TMEM131: variants seen among roughly 807,000 people sequenced by gnomAD.
TMEM131 encodes the protein 2610524E03Rik.
Under a neutral mutation model 211.6 loss-of-function variants are expected in TMEM131, and 66 were observed. The observed-to-expected ratio is 0.31, with a 90% confidence interval of 0.26 to 0.38. The LOEUF (loss-of-function observed/expected upper bound fraction) is 0.38, where lower values mean the gene tolerates loss of function less well. Among genes scored for constraint, TMEM131 ranks in the 10% least tolerant of loss-of-function variants. TMEM131 has a pLI of 1.00. For missense variants in TMEM131, 2,036 were observed against 2,299.3 expected, an observed-to-expected ratio of 0.89 and a Z score of 2.34; for synonymous variants, 844 against 841.3, an observed-to-expected ratio of 1.00 and a Z score of -0.06.
intron 5 of TMEM131, among the ~76,000 whole-genome samples, chr2:97,852,660 G>A (rs1673675280): frequency 6.6e-6 from 1 of 152,252 alleles, no homozygotes; most frequent in Non-Finnish European, 1.5e-5. Flanking sequence ...ACAAGTTGCA[G>A]CAAGTTATCC....
At chr2:97,972,322 C>T (rs1679333168) in intron 1 of TMEM131, among the ~76,000 whole-genome samples, 1 of 151,886 alleles carries the variant, frequency 6.6e-6, no homozygotes, top group African/African-American at 2.4e-5. Flanking sequence ...CCAGGCCCAC[C>T]TAACACATCT....
intron 4 of TMEM131, among the ~76,000 whole-genome samples, chr2:97,871,221 T>C (rs1674476867): frequency 6.6e-6 from 1 of 152,224 alleles, no homozygotes; most frequent in Non-Finnish European, 1.5e-5. Flanking sequence ...GGAGTGAAAC[T>C]GCCTTTGCAA....
In TMEM131 at chr2:97,921,847, A is replaced by C. The variant is rs1331408716; in HGVS notation, c.249+5579T>G. 2.6e-5 allele frequency among the ~76,000 whole-genome samples: 4 copies of C among 152,336 alleles called. No individual in the cohort carries two copies. In the South Asian group the frequency reaches 8.3e-4, roughly 32 times the overall value. Reference sequence around the variant, plus strand: ...ATCAGGGAAACGAAAATAAAATGGAAATTACAGATCATTAGCCATTCTCCA... The same window carrying C: ...ATCAGGGAAACGAAAATAAAATGGACATTACAGATCATTAGCCATTCTCCA... On this transcript the variant is annotated intron_variant, in intron 2 of 40. Coordinates refer to ENST00000186436, the MANE Select transcript of TMEM131 (RefSeq NM_015348.2).
At chr2:97,827,777 T>A (rs573498459) in intron 11 of TMEM131, among the ~76,000 whole-genome samples, 99 of 152,192 alleles carry the variant, frequency 6.5e-4, no homozygotes, top group Non-Finnish European at 1.1e-3. Flanking sequence ...GAAAATAGTG[T>A]GGGATATTGA....
At position 97,756,790 on chromosome 2, in the gene TMEM131, A is replaced by G. The variant is rs999344917; in HGVS notation, c.*309T>C. 4.6e-6 allele frequency: 1 copy of G among 219,458 alleles called. No individual in the cohort carries two copies. The highest frequency in any genetic ancestry group is 2.3e-5 in the African/African-American group (1 of 44,092). 13.6% of individuals were successfully genotyped at this position (219,458 alleles called of 1,614,324 possible). On this transcript the variant is annotated 3_prime_UTR_variant, in exon 41 of 41. Coordinates refer to ENST00000186436, the MANE Select transcript of TMEM131 (RefSeq NM_015348.2). ...CAAATCTGTGTTCATACAGATAAAT[A>G]AAGCATGGGGAAGACAGGTGGTGAA...
intron 31 of TMEM131, among the ~76,000 whole-genome samples, chr2:97,788,952 A>G (rs1321112118): frequency 6.6e-6 from 1 of 152,220 alleles, no homozygotes; most frequent in African/African-American, 2.4e-5. Flanking sequence ...CTACCATACA[A>G]TACATGCATA....
At chr2:97,810,932 G>C (rs1203098802) in intron 18 of TMEM131, among the ~76,000 whole-genome samples, 196 bp downstream of exon 18, 1 of 152,096 alleles carries the variant, frequency 6.6e-6, no homozygotes, top group African/African-American at 2.4e-5. Flanking sequence ...AGGTTAGGAG[G>C]GTTGGGTTTT....
chr2:97,889,955 T>A (rs1573515964), intron 3 of TMEM131, among the ~76,000 whole-genome samples: 1 of 152,160 alleles, frequency 6.6e-6, no homozygotes, highest in Non-Finnish European at 1.5e-5. Flanking sequence ...GGCGGGGCTG[T>A]GTTTAGAACC....
chr2:97,782,356 C>A (rs1573352418), intron 31 of TMEM131, among the ~76,000 whole-genome samples: 1 of 152,224 alleles, frequency 6.6e-6, no homozygotes, highest in East Asian at 1.9e-4. Flanking sequence ...TCTGCCTCTG[C>A]CAGAGCAGTC....
At chr2:97,815,781 AT>A (rs1467895149) in intron 12 of TMEM131, among the ~76,000 whole-genome samples, 13 of 152,160 alleles carry the variant, frequency 8.5e-5, no homozygotes, top group Non-Finnish European at 1.9e-4. Flanking sequence ...ATTGCCAGAT[AT>A]CCCCTTGGAG....
rs754669469 is a variant in TMEM131 at position 97,792,349 on chromosome 2, C to T, written c.4144+37G>A. ...CTTAAGCACGCACTGGCTTTTCCCT[C>T]ACACATCACGGATCTCCGGCAGTGG... On this transcript the variant is annotated intron_variant, in intron 31 of 40. Coordinates refer to ENST00000186436, the MANE Select transcript of TMEM131 (RefSeq NM_015348.2). The T allele has an allele frequency of 4.7e-6, 7 of 1,497,374 alleles. No homozygotes were observed. In the South Asian group the frequency reaches 9.5e-5, roughly 20 times the overall value. 92.8% of individuals were successfully genotyped at this position (1,497,374 alleles called of 1,614,324 possible).
At chr2:97,790,299 A>G (rs971120990) in intron 31 of TMEM131, among the ~76,000 whole-genome samples, 1 of 152,180 alleles carries the variant, frequency 6.6e-6, no homozygotes, top group African/African-American at 2.4e-5. Flanking sequence ...CTATACTTCA[A>G]TAAAAACATT....
At chr2:97,760,431 A>G in intron 38 of TMEM131, 162 bp downstream of exon 38, 1 of 694,952 alleles carries the variant, frequency 1.4e-6, no homozygotes, top group Non-Finnish European at 2.4e-6. Context: ...TTCTGCTTCC[A>G]CCCAGCAGAC....
At chr2:97,865,922 A>T (rs569787397) in intron 4 of TMEM131, among the ~76,000 whole-genome samples, 1 of 152,174 alleles carries the variant, frequency 6.6e-6, no homozygotes, top group East Asian at 1.9e-4. Context: ...TCGCTCTGTC[A>T]CCCAGGCTGG....
At chr2:97,794,321 C>A (rs1252823003) in intron 29 of TMEM131, among the ~76,000 whole-genome samples, 1 of 152,108 alleles carries the variant, frequency 6.6e-6, no homozygotes, top group Non-Finnish European at 1.5e-5. Flanking sequence ...CAGGTGTGAG[C>A]CACCGTGCCC....
intron 11 of TMEM131, among the ~76,000 whole-genome samples, chr2:97,819,946 A>C (rs1176583881): frequency 1.3e-5 from 2 of 152,234 alleles, no homozygotes; most frequent in African/African-American, 4.8e-5. Flanking sequence ...TGAGAAGAGC[A>C]TGGAGAGAGA....
At chr2:97,831,447 G>A (rs991927608) in intron 11 of TMEM131, among the ~76,000 whole-genome samples, 3 of 152,006 alleles carry the variant, frequency 2.0e-5, no homozygotes, top group Non-Finnish European at 4.4e-5. Flanking sequence ...GAATGAAGGC[G>A]GGAATAAGAG....
intron 19 of TMEM131, among the ~76,000 whole-genome samples, chr2:97,808,053 A>G (rs1196259054): frequency 6.6e-6 from 1 of 152,164 alleles, no homozygotes; most frequent in African/African-American, 2.4e-5. Flanking sequence ...ACATATATAT[A>G]ATGAGATATC....
intron 3 of TMEM131, among the ~76,000 whole-genome samples, chr2:97,894,529 C>T (rs1008883016): frequency 1.3e-5 from 2 of 152,066 alleles, no homozygotes; most frequent in Non-Finnish European, 2.9e-5. Flanking sequence ...AAAGTTTTTC[C>T]ATTTGTTTGT....
Sources: gnomAD v4.1 joint callset for allele counts (sites outside exome capture counted in the v4.1 genomes callset) on GRCh38, gnomAD v4.1.1 for gene constraint, MANE v1.5 for transcripts, NCBI Gene and HGNC (gene_info 2026-07-23, HGNC 2026-07-21) for gene names.